Variants in LHFPL2 observed in about 807,000 individuals in gnomAD.
LHFPL2 encodes the protein LHFPL tetraspan subfamily member 2 protein.
A neutral mutation model predicts 17.5 loss-of-function variants in LHFPL2; 7 were observed. The observed-to-expected ratio is 0.40, with a 90% confidence interval of 0.23 to 0.75. The LOEUF (loss-of-function observed/expected upper bound fraction) is 0.75, where lower values mean the gene tolerates loss of function less well. LHFPL2 is among the 30% of genes least tolerant of loss of function. The pLI, the probability that LHFPL2 is intolerant of heterozygous loss-of-function variation, is 0.37. For synonymous variants in LHFPL2, 134 were observed against 116.2 expected (o/e 1.15, Z -0.99); for missense variants, 241 against 294.8 (o/e 0.82, Z 1.34).
chr5:78,493,564 GA>G (rs148216469), intron 4 of LHFPL2, among the ~76,000 whole-genome samples: 2,285 of 152,294 alleles, frequency 0.015, 51 homozygotes, highest in African/African-American at 0.053. Flanking sequence ...CACACAGCAG[GA>G]CCTTAATAAA....
intron 4 of LHFPL2, among the ~76,000 whole-genome samples, chr5:78,495,315 T>C (rs1754571594): frequency 1.3e-5 from 2 of 152,204 alleles, no homozygotes; most frequent in East Asian, 1.9e-4. Flanking sequence ...TCATGATTAC[T>C]ACCCTCCTTC....
At chr5:78,582,583 T>C (rs1173326201) in intron 2 of LHFPL2, among the ~76,000 whole-genome samples, 5 of 151,640 alleles carry the variant, frequency 3.3e-5, no homozygotes, top group Non-Finnish European at 7.4e-5. Flanking sequence ...AGTTTCCATG[T>C]AGTTGAGCGG....
At chr5:78,550,564 T>TTTA (rs1561334811) in intron 3 of LHFPL2, among the ~76,000 whole-genome samples, 1 of 150,660 alleles carries the variant, frequency 6.6e-6, no homozygotes, top group Non-Finnish European at 1.5e-5. Flanking sequence ...TTTTATTTAT[T>TTTA]TTTATTTATT....
chr5:78,489,809 CCATT>C (rs1366471749), intron 4 of LHFPL2, among the ~76,000 whole-genome samples: 1 of 152,180 alleles, frequency 6.6e-6, no homozygotes, highest in African/African-American at 2.4e-5. Flanking sequence ...ACAGCTGTGG[CCATT>C]CATTTTTGGA....
intron 3 of LHFPL2, among the ~76,000 whole-genome samples, chr5:78,545,117 T>C (rs1756231485): frequency 6.6e-6 from 1 of 152,214 alleles, no homozygotes; most frequent in African/African-American, 2.4e-5. Context: ...TGCTTGTCAC[T>C]GTGAGGCGGA....
At chr5:78,612,875 G>T (rs1182631073) in intron 2 of LHFPL2, among the ~76,000 whole-genome samples, 2 of 152,346 alleles carry the variant, frequency 1.3e-5, no homozygotes, top group Non-Finnish European at 2.9e-5. Context: ...AATTAAGGCT[G>T]AGCCAAGCTT....
chr5:78,601,291 GT>G (rs1218904497), intron 2 of LHFPL2, among the ~76,000 whole-genome samples: 2 of 152,194 alleles, frequency 1.3e-5, no homozygotes, highest in Non-Finnish European at 2.9e-5. Flanking sequence ...ATGATTTGGT[GT>G]GCCTTGAGAT....
intron 1 of LHFPL2, among the ~76,000 whole-genome samples, chr5:78,640,106 T>C (rs1256961160): frequency 6.6e-6 from 1 of 152,158 alleles, no homozygotes; most frequent in Non-Finnish European, 1.5e-5. Context: ...CTCTTAATTT[T>C]CCGGGCATGT....
intron 4 of LHFPL2, chr5:78,494,537 G>A (rs1580742236): frequency 1.0e-6 from 1 of 985,180 alleles, no homozygotes; most frequent in East Asian, 1.1e-4. Context: ...CTTATCTGTA[G>A]AGGAAAAAAA....
chr5:78,616,379 G>A (rs1045424346), intron 2 of LHFPL2, among the ~76,000 whole-genome samples: 13 of 152,050 alleles, frequency 8.5e-5, no homozygotes, highest in South Asian at 8.3e-4. Context: ...CAGCCGCCTC[G>A]CCCTCCCAAA....
At chr5:78,541,841 TAGG>T (rs1016607919) in intron 3 of LHFPL2, among the ~76,000 whole-genome samples, 44 of 152,320 alleles carry the variant, frequency 2.9e-4, no homozygotes, top group East Asian at 2.1e-3. Context: ...GCGACCTGAT[TAGG>T]AGGAGGGCAG....
At chr5:78,508,081 T>C (rs918040310) in intron 4 of LHFPL2, among the ~76,000 whole-genome samples, 1 of 151,772 alleles carries the variant, frequency 6.6e-6, no homozygotes, top group African/African-American at 2.4e-5. Context: ...TTCTGGGTGG[T>C]GAGATGCCAA....
chr5:78,558,929 T>A (rs776746867), intron 3 of LHFPL2, among the ~76,000 whole-genome samples: 5 of 152,190 alleles, frequency 3.3e-5, no homozygotes, highest in Non-Finnish European at 5.9e-5. Context: ...ATTCCCTGTA[T>A]TTTCAGCTTA....
At chr5:78,544,914 A>C (rs1445381936) in intron 3 of LHFPL2, among the ~76,000 whole-genome samples, 1 of 152,190 alleles carries the variant, frequency 6.6e-6, no homozygotes, top group Admixed American at 6.5e-5. Context: ...TTTTTAAAAG[A>C]AAAAATTCCC....
At chr5:78,504,793 C>T (rs1041079075) in intron 4 of LHFPL2, among the ~76,000 whole-genome samples, 1 of 152,220 alleles carries the variant, frequency 6.6e-6, no homozygotes, top group Non-Finnish European at 1.5e-5. Flanking sequence ...CCCACGACCA[C>T]ACACCCTTCA....
In LHFPL2 at chr5:78,580,821, G is replaced by A. The variant is rs202015289; in HGVS notation, c.-244-15950C>T. Among the ~76,000 whole-genome samples, 427 of 152,090 alleles carry A rather than the reference G, an allele frequency of 2.8e-3. 7 individuals are homozygous for A. The highest frequency in any genetic ancestry group is 0.022 in the Admixed American group (330 of 15,294). On this transcript the variant is annotated intron_variant, in intron 2 of 4. Coordinates refer to ENST00000380345, the MANE Select transcript of LHFPL2 (RefSeq NM_005779.3). ...GTTCTTTTGGCTTAGGATTGACTTA[G>A]CGATGCGGGCTCTTTTTTGGTTCCA...
At chr5:78,542,099 G>C (rs1315980913) in intron 3 of LHFPL2, among the ~76,000 whole-genome samples, 1 of 150,686 alleles carries the variant, frequency 6.6e-6, no homozygotes, top group East Asian at 1.9e-4. Flanking sequence ...TGTTTTAAAA[G>C]ACCACTGTCA....
intron 2 of LHFPL2, among the ~76,000 whole-genome samples, chr5:78,569,726 C>A (rs1409139820): frequency 1.3e-5 from 2 of 152,190 alleles, no homozygotes; most frequent in South Asian, 4.1e-4. Flanking sequence ...GAACCTGAAC[C>A]CCAACAACGC....
Position 78,510,372 on chromosome 5 carries a change from G to C in LHFPL2, c.-159C>G. The C allele has an allele frequency of 1.4e-6, 1 of 728,544 alleles. No individual in the cohort carries two copies. The highest frequency in any genetic ancestry group is 2.2e-6 in the Non-Finnish European group (1 of 456,002). The allele number at this position is 728,544 out of a possible 1,614,324, so 45.1% of individuals were successfully genotyped here. On this transcript the variant is annotated 5_prime_UTR_variant, in exon 4 of 5. Coordinates refer to ENST00000380345, the MANE Select transcript of LHFPL2 (RefSeq NM_005779.3). ...GTTCATGCTGGGGACAGCGCTCCCG[G>C]ACCCAGAGCACCGCCTGCGGCCTCA...
Sources: allele counts gnomAD v4.1 joint callset (sites outside exome capture counted in the v4.1 genomes callset), GRCh38; gene constraint gnomAD v4.1.1; transcripts MANE v1.5; gene names NCBI Gene and HGNC (gene_info 2026-07-23, HGNC 2026-07-21).